SIDT1: variants seen among roughly 807,000 people sequenced by gnomAD.
SIDT1 encodes SID1 transmembrane family, member 1.
A neutral mutation model predicts 107.5 loss-of-function variants in SIDT1; 101 were observed. That is an observed-to-expected ratio of 0.94 (90% CI 0.80 to 1.11). SIDT1 has a LOEUF of 1.11. Among genes scored for constraint, SIDT1 ranks in the 50% least tolerant of loss-of-function variants. The probability of loss-of-function intolerance (pLI) is 0.00; values close to 1 mark genes in which losing one functional copy is unlikely to be tolerated. For missense variants in SIDT1, 1,076 were observed against 1,058.2 expected, an observed-to-expected ratio of 1.02 and a Z score of -0.23; for synonymous variants, 395 against 398.2, an observed-to-expected ratio of 0.99 and a Z score of 0.10.
intron 4 of SIDT1, among the ~76,000 whole-genome samples, chr3:113,580,155 G>T (rs1943217645): frequency 6.6e-6 from 1 of 152,200 alleles, no homozygotes; most frequent in East Asian, 1.9e-4. Flanking sequence ...TTGCCTATGG[G>T]AAGGTGGTTA....
Position 113,554,652 on chromosome 3 carries a change from C to T in SIDT1, c.223-11768C>T, listed in dbSNP as rs139584609. Among the ~76,000 whole-genome samples, 203 of 152,202 alleles carry T rather than the reference C, an allele frequency of 1.3e-3. 1 individual carries two copies. In the Middle Eastern group the frequency reaches 0.017, roughly 13 times the overall value. On this transcript the variant is annotated intron_variant, in intron 1 of 24. Coordinates refer to ENST00000264852, the MANE Select transcript of SIDT1 (RefSeq NM_017699.3). ...AAACCTCTTTTTCTTTATAAATTAC[C>T]CAGTCTTGGGTATTTCTTCACAGCA...
At chr3:113,623,222 G>C (rs1296906679) in intron 21 of SIDT1, among the ~76,000 whole-genome samples, 4 of 61,768 alleles carry the variant, frequency 6.5e-5, no homozygotes, top group Non-Finnish European at 9.7e-5. Flanking sequence ...AAAAAAAAAA[G>C]ATACTTATAT....
intron 6 of SIDT1, among the ~76,000 whole-genome samples, chr3:113,583,103 C>T (rs932205853): frequency 6.6e-6 from 1 of 152,176 alleles, no homozygotes; most frequent in Non-Finnish European, 1.5e-5. Flanking sequence ...AGTTATTAAA[C>T]ATAGGCTATT....
intron 9 of SIDT1, among the ~76,000 whole-genome samples, chr3:113,589,505 C>T (rs1194794043): frequency 1.3e-5 from 2 of 150,152 alleles, no homozygotes. Context: ...CTATGAGAGT[C>T]AGGCCAAATT....
At chr3:113,634,202 A>G (rs1024048348), downstream of SIDT1, among the ~76,000 whole-genome samples, 1 of 152,192 alleles carries the variant, frequency 6.6e-6, no homozygotes, top group Non-Finnish European at 1.5e-5. Flanking sequence ...ACTCTTCCTA[A>G]GAGGTTGCAA....
At chr3:113,538,194 T>G (rs1290870561) in intron 1 of SIDT1, among the ~76,000 whole-genome samples, 1 of 152,242 alleles carries the variant, frequency 6.6e-6, no homozygotes, top group Non-Finnish European at 1.5e-5. Flanking sequence ...AGTTTCAACA[T>G]GTGAATTTTG....
chr3:113,541,214 G>A (rs1426041464), intron 1 of SIDT1, among the ~76,000 whole-genome samples: 1 of 151,850 alleles, frequency 6.6e-6, no homozygotes, highest in African/African-American at 2.4e-5. Context: ...CTGTCACCCA[G>A]GCTGGAGTGC....
At chr3:113,551,498 C>A (rs1489593319) in intron 1 of SIDT1, among the ~76,000 whole-genome samples, 1 of 152,176 alleles carries the variant, frequency 6.6e-6, no homozygotes, top group African/African-American at 2.4e-5. Flanking sequence ...ACAAGATGTG[C>A]CCACGAGAGC....
At chr3:113,556,053 T>C (rs1276687323) in intron 1 of SIDT1, among the ~76,000 whole-genome samples, 1 of 152,132 alleles carries the variant, frequency 6.6e-6, no homozygotes, top group Non-Finnish European at 1.5e-5. Flanking sequence ...CCCAGGGAGA[T>C]AGGTAGTCTG....
At chr3:113,604,796 C>CT in intron 13 of SIDT1, 114 bp from the exon 14 acceptor site, 1 of 1,242,036 alleles carries the variant, frequency 8.1e-7, no homozygotes, top group South Asian at 1.3e-5. Flanking sequence ...CTTCTGGTTA[C>CT]TTTTGCAAGT....
chr3:113,566,515 G>A lies in SIDT1; in HGVS notation c.318G>A (p.Trp106Ter). ...VVRQQKEVLSWQVPLLFQGLY... is the reference protein window; with the variant it reads ...VVRQQKEVLS The stretch of plus-strand genomic sequence containing the variant: ...GCCAGCAGAAAGAGGTGCTGTCCTG[G>A]CAGGTTCCTCTGCTCTTCCAAGGAC... The change falls in exon 2 of 25, where the codon TGG becomes TGA. Residue 106 changes from tryptophan to a stop codon, truncating the protein, a stop_gained. Coordinates refer to ENST00000264852, the MANE Select transcript of SIDT1 (RefSeq NM_017699.3). LOFTEE classifies it high-confidence loss of function. 3 of 1,614,086 alleles carry A rather than the reference G, an allele frequency of 1.9e-6. No homozygotes were observed. Among genetic ancestry groups the A allele is most frequent in the Non-Finnish European group, 2.5e-6 (3 of 1,179,992 alleles).
chr3:113,612,607 G>A (rs1945834794), intron 19 of SIDT1, among the ~76,000 whole-genome samples: 1 of 152,192 alleles, frequency 6.6e-6, no homozygotes, highest in Non-Finnish European at 1.5e-5. Flanking sequence ...TGTCAAGAAT[G>A]AATTATATAT....
At chr3:113,579,189 G>C (rs1192855717) in intron 4 of SIDT1, among the ~76,000 whole-genome samples, 2 of 152,124 alleles carry the variant, frequency 1.3e-5, no homozygotes, top group Non-Finnish European at 2.9e-5. Context: ...CACTGCTTTG[G>C]GTATTTGTCG....
chr3:113,598,379 C>T (rs1308496087), intron 10 of SIDT1, among the ~76,000 whole-genome samples: 2 of 152,180 alleles, frequency 1.3e-5, no homozygotes, highest in Non-Finnish European at 2.9e-5. Flanking sequence ...ATTACACACA[C>T]AGACAGAGAA....
chr3:113,593,084 T>C, intron 10 of SIDT1, 36 bp downstream of exon 10: 1 of 1,559,502 alleles, frequency 6.4e-7, no homozygotes, highest in Non-Finnish European at 8.8e-7. Context: ...CAAAATGGTG[T>C]CGCATAGTGT....
At chr3:113,553,728 GC>G (rs1331821263) in intron 1 of SIDT1, among the ~76,000 whole-genome samples, 22 of 152,304 alleles carry the variant, frequency 1.4e-4, no homozygotes, top group Middle Eastern at 6.8e-3. Flanking sequence ...GAAGTCTAAA[GC>G]CAGAGGGAGG....
intron 3 of SIDT1, among the ~76,000 whole-genome samples, chr3:113,569,582 C>T (rs1363880641): frequency 6.6e-6 from 1 of 152,114 alleles, no homozygotes; most frequent in Non-Finnish European, 1.5e-5. Flanking sequence ...TATACCCATA[C>T]GGAAACGTGG....
chr3:113,535,591 G>A (rs892478516), intron 1 of SIDT1, among the ~76,000 whole-genome samples: 1 of 152,156 alleles, frequency 6.6e-6, no homozygotes, highest in Non-Finnish European at 1.5e-5. Flanking sequence ...GAATGACACA[G>A]TAAAAGGTTG....
chr3:113,619,975 A>G (rs944000988), intron 21 of SIDT1: 9 of 367,428 alleles, frequency 2.4e-5, no homozygotes, highest in Non-Finnish European at 4.5e-5. Flanking sequence ...GTCTATGTGG[A>G]TACATTGGAT....
Sources: allele counts gnomAD v4.1 joint callset (sites outside exome capture counted in the v4.1 genomes callset), GRCh38; gene constraint gnomAD v4.1.1; transcripts MANE v1.5; gene names NCBI Gene and HGNC (gene_info 2026-07-23, HGNC 2026-07-21).